Variants in NUP160 observed in about 807,000 individuals in gnomAD.
The protein encoded by NUP160 is nuclear pore complex protein Nup160.
NUP160 carries 94 observed loss-of-function variants against 196.9 expected under a neutral mutation model. That is an observed-to-expected ratio of 0.48 (90% CI 0.40 to 0.57). The LOEUF is 0.57. NUP160 is among the 20% of genes least tolerant of loss of function. The probability of loss-of-function intolerance (pLI) is 0.00; values close to 1 mark genes in which losing one functional copy is unlikely to be tolerated. For synonymous variants in NUP160, 605 were observed against 619.7 expected (o/e 0.98, Z 0.35); for missense variants, 1,638 against 1,748.3 (o/e 0.94, Z 1.13).
chr11:47,782,303 AATATATAT>A (rs10529981), intron 34 of NUP160, among the ~76,000 whole-genome samples: 40 of 40,468 alleles, frequency 9.9e-4, no homozygotes, highest in South Asian at 4.8e-3. Context: ...AAAAAAAAAA[AATATATAT>A]ATATATATAT....
intron 17 of NUP160, 35 bp downstream of exon 17, chr11:47,812,029 T>C: frequency 6.2e-7 from 1 of 1,610,100 alleles, no homozygotes; most frequent in Non-Finnish European, 8.5e-7. Context: ...TAACAGGTTT[T>C]AGATTTTACA....
intron 17 of NUP160, among the ~76,000 whole-genome samples, chr11:47,809,890 A>G (rs1048538547): frequency 6.6e-6 from 1 of 152,074 alleles, no homozygotes; most frequent in Non-Finnish European, 1.5e-5. Flanking sequence ...TTCACAAACA[A>G]ACCAAAAAGA....
intron 23 of NUP160, among the ~76,000 whole-genome samples, chr11:47,798,942 A>T (rs1050686436): frequency 5.0e-5 from 6 of 120,056 alleles, no homozygotes; most frequent in African/African-American, 1.0e-4. Flanking sequence ...CTCTATTATT[A>T]AAAAAAAAAA....
At chr11:47,812,259 A>G (rs776271943) in intron 16 of NUP160, 35 bp from the exon 17 acceptor site, 11 of 1,613,682 alleles carry the variant, frequency 6.8e-6, no homozygotes, top group Non-Finnish European at 9.3e-6. Context: ...TGAATGCATC[A>G]TTGTTTTAAT....
At chr11:47,823,795 A>C (rs775147408) in intron 7 of NUP160, among the ~76,000 whole-genome samples, 8 of 151,782 alleles carry the variant, frequency 5.3e-5, no homozygotes, top group Non-Finnish European at 5.9e-5. Flanking sequence ...TCAGCCTCCT[A>C]AAGTGCTGGG....
chr11:47,812,157 C>T, exon 17 of NUP160: 1 of 1,614,120 alleles, frequency 6.2e-7, no homozygotes, highest in East Asian at 2.2e-5. Flanking sequence ...CCCCTCTGCA[C>T]ACAATATACC....
intron 31 of NUP160, among the ~76,000 whole-genome samples, chr11:47,787,866 C>A (rs1034290782): frequency 1.3e-5 from 2 of 152,058 alleles, no homozygotes; most frequent in African/African-American, 4.8e-5. Flanking sequence ...TACAGGCGCC[C>A]GCCACCACGC....
chr11:47,786,222 T>C (rs2290850), intron 32 of NUP160, among the ~76,000 whole-genome samples: 41,950 of 152,016 alleles, frequency 0.28, 6,835 homozygotes, highest in Middle Eastern at 0.38. Flanking sequence ...AAACAGTAAG[T>C]CTTTGAGGAG....
At chr11:47,796,937 C>T (rs1208798900) in intron 27 of NUP160, among the ~76,000 whole-genome samples, 3 of 152,182 alleles carry the variant, frequency 2.0e-5, no homozygotes, top group Non-Finnish European at 4.4e-5. Context: ...AAGCGATCCA[C>T]CTGCCTCAGC....
chr11:47,829,625 A>T (rs1215512880), intron 7 of NUP160, among the ~76,000 whole-genome samples: 3 of 152,144 alleles, frequency 2.0e-5, no homozygotes, highest in Non-Finnish European at 4.4e-5. Flanking sequence ...AATTCTTACA[A>T]TTCAATAACA....
chr11:47,840,190 T>G (rs1405537459), intron 3 of NUP160, 125 bp from the exon 4 acceptor site: 1 of 846,708 alleles, frequency 1.2e-6, no homozygotes, highest in South Asian at 1.6e-5. Context: ...CTATTCTTCT[T>G]AATGAAAACT....
intron 33 of NUP160, chr11:47,784,653 C>A: frequency 4.6e-6 from 1 of 218,382 alleles, no homozygotes; most frequent in Non-Finnish European, 9.0e-6. Flanking sequence ...TCCCAAAGTA[C>A]GTAAGTCAAT....
exon 5 of NUP160, chr11:47,837,561 T>G: frequency 1.9e-6 from 3 of 1,614,092 alleles, no homozygotes; most frequent in Non-Finnish European, 2.5e-6. Context: ...GCTGTTGGCA[T>G]CCAGCCTGTA....
chr11:47,800,032 T>A (rs540252062), intron 23 of NUP160, among the ~76,000 whole-genome samples: 3 of 152,066 alleles, frequency 2.0e-5, no homozygotes, highest in African/African-American at 7.2e-5. Flanking sequence ...GGCAGGTGGA[T>A]CACTAGAGGC....
intron 2 of NUP160, among the ~76,000 whole-genome samples, chr11:47,846,002 G>C (rs1852394065): frequency 6.6e-6 from 1 of 152,084 alleles, no homozygotes; most frequent in Non-Finnish European, 1.5e-5. Flanking sequence ...TGGGCATGGT[G>C]GTGCATACTT....
intron 23 of NUP160, among the ~76,000 whole-genome samples, chr11:47,799,194 T>A (rs1343886805): frequency 6.6e-6 from 1 of 151,812 alleles, no homozygotes; most frequent in Non-Finnish European, 1.5e-5. Flanking sequence ...CAAGTGATTC[T>A]CCTGCCTCAG....
chr11:47,815,828 A>T, intron 12 of NUP160, 118 bp downstream of exon 12: 2 of 978,010 alleles, frequency 2.0e-6, no homozygotes, highest in South Asian at 3.2e-5. Flanking sequence ...AGGTTTAAAC[A>T]TTTATATGTT....
intron 19 of NUP160, chr11:47,806,545 T>G (rs1334513727): frequency 4.8e-6 from 2 of 419,330 alleles, no homozygotes; most frequent in Non-Finnish European, 8.5e-6. Flanking sequence ...TCATTTCTTT[T>G]CACTGATCTC....
At chr11:47,788,266 T>G in exon 31 of NUP160, 1 of 1,614,120 alleles carries the variant, frequency 6.2e-7, no homozygotes, top group Non-Finnish European at 8.5e-7. Flanking sequence ...GAGGCCCGCC[T>G]GAACCAAGAG....
Sources: allele counts gnomAD v4.1 joint callset (sites outside exome capture counted in the v4.1 genomes callset), GRCh38; gene constraint gnomAD v4.1.1; transcripts MANE v1.5; gene names NCBI Gene and HGNC (gene_info 2026-07-23, HGNC 2026-07-21).